PEAK1: variants seen among roughly 807,000 people sequenced by gnomAD.
PEAK1 encodes the protein inactive tyrosine-protein kinase PEAK1.
PEAK1 carries 54 observed loss-of-function variants against 124.7 expected under a neutral mutation model. That is an observed-to-expected ratio of 0.43 (90% CI 0.35 to 0.54). The LOEUF (loss-of-function observed/expected upper bound fraction) is 0.54, where lower values mean the gene tolerates loss of function less well. PEAK1 is among the 20% of genes least tolerant of loss of function. PEAK1 has a pLI of 0.01. For synonymous variants in PEAK1, 719 were observed against 760.0 expected (o/e 0.95, Z 0.89); for missense variants, 2,046 against 2,134.5 (o/e 0.96, Z 0.82).
rs560653880 is a variant in PEAK1, at chr15:77,392,604, G to T, written c.-665-27379C>A. 1.4e-4 allele frequency among the ~76,000 whole-genome samples: 21 copies of T among 151,934 alleles called. No homozygotes were observed. In the East Asian group the frequency reaches 3.7e-3, roughly 27 times the overall value. On this transcript the variant is annotated intron_variant, in intron 1 of 9. Coordinates refer to ENST00000682557, the MANE Select transcript of PEAK1 (RefSeq NM_001385026.1). ...ATGTCTATGCCATATGAGATATAAAGAGAGGTACAGGGGATCTAACTTTGA... is the reference window on the plus strand; with the variant it reads ...ATGTCTATGCCATATGAGATATAAATAGAGGTACAGGGGATCTAACTTTGA...
intron 2 of PEAK1, among the ~76,000 whole-genome samples, chr15:77,313,720 G>GTATA (rs1433077404): frequency 9.1e-6 from 1 of 109,546 alleles, no homozygotes; most frequent in African/African-American, 3.3e-5. Context: ...GTGTGTGTGT[G>GTATA]TGTGTGTATA....
At chr15:77,264,568 A>G (rs1272398971) in intron 5 of PEAK1, among the ~76,000 whole-genome samples, 2 of 152,226 alleles carry the variant, frequency 1.3e-5, no homozygotes, top group East Asian at 3.8e-4. Context: ...GACCTCTTCA[A>G]GGAGAACTAC....
chr15:77,298,632 T>A (rs1397364780), intron 2 of PEAK1, among the ~76,000 whole-genome samples: 3 of 152,246 alleles, frequency 2.0e-5, no homozygotes, highest in Middle Eastern at 3.4e-3. Flanking sequence ...TTAAAGATTA[T>A]CCTTTCTAAA....
At chr15:77,299,211 G>T (rs1022216006) in intron 2 of PEAK1, among the ~76,000 whole-genome samples, 3 of 152,086 alleles carry the variant, frequency 2.0e-5, no homozygotes, top group Non-Finnish European at 4.4e-5. Flanking sequence ...AAGGTCTGGA[G>T]ATATTTCATT....
intron 6 of PEAK1, among the ~76,000 whole-genome samples, chr15:77,229,468 C>A (rs1448664146): frequency 6.6e-6 from 1 of 152,094 alleles, no homozygotes; most frequent in South Asian, 2.1e-4. Context: ...ATTTATTATT[C>A]TCATGGCACT....
At chr15:77,209,361 C>T (rs1596624055) in intron 6 of PEAK1, among the ~76,000 whole-genome samples, 1 of 152,114 alleles carries the variant, frequency 6.6e-6, no homozygotes, top group East Asian at 1.9e-4. Context: ...CTTTATCCTT[C>T]AGGAAAAGAT....
chr15:77,181,585 T>C lies in PEAK1; in HGVS notation c.342A>G (p.Lys114=), dbSNP rs770134647. Residue 114 remains lysine (K), a synonymous_variant, in exon 7 of 10, where the codon AAA becomes AAG. Transcript: ENST00000682557. The part of the protein sequence containing the change: ...WNRNRAALSQ[K]PLNNNNEDDE... ...CATCTTCATTATTATTGTTAAGTGG[T>C]TTCTGACTCAAGGCAGCTCTGTTTC... 4 of 1,614,022 alleles carry C rather than the reference T, an allele frequency of 2.5e-6. No homozygotes were observed. The highest frequency in any genetic ancestry group is 3.4e-6 in the Non-Finnish European group (4 of 1,180,038).
At chr15:77,329,987 G>A (rs2065802799) in intron 2 of PEAK1, among the ~76,000 whole-genome samples, 1 of 151,620 alleles carries the variant, frequency 6.6e-6, no homozygotes, top group Non-Finnish European at 1.5e-5. Context: ...TGAATCACAA[G>A]ACAGAAGTGA....
At chr15:77,279,104 CGTGTGTGTGTGTGTGT>C (rs34561338) in intron 5 of PEAK1, among the ~76,000 whole-genome samples, 1 of 115,014 alleles carries the variant, frequency 8.7e-6, no homozygotes, top group Non-Finnish European at 2.0e-5. Context: ...CTCGTGTGTG[CGTGTGTGTGTGTGTGT>C]GTGTGTGTGT....
intron 6 of PEAK1, among the ~76,000 whole-genome samples, chr15:77,227,668 T>C (rs531585941): frequency 6.6e-5 from 10 of 152,258 alleles, no homozygotes; most frequent in Non-Finnish European, 1.0e-4. Flanking sequence ...AAAAGTCCTA[T>C]GATTTAATAA....
intron 2 of PEAK1, among the ~76,000 whole-genome samples, chr15:77,295,839 G>T (rs769095786): frequency 2.6e-5 from 4 of 152,190 alleles, no homozygotes; most frequent in Non-Finnish European, 4.4e-5. Flanking sequence ...AGGGGAGAAA[G>T]AATGTTTCTC....
At chr15:77,173,529 C>T (rs547775608) in intron 7 of PEAK1, among the ~76,000 whole-genome samples, 1 of 152,186 alleles carries the variant, frequency 6.6e-6, no homozygotes, top group South Asian at 2.1e-4. Context: ...CTATGGTCAC[C>T]ATGCTGTACA....
intron 1 of PEAK1, among the ~76,000 whole-genome samples, chr15:77,375,214 T>C (rs2068918270): frequency 1.3e-5 from 2 of 152,194 alleles, no homozygotes; most frequent in Admixed American, 6.5e-5. Context: ...CCTAAATTGT[T>C]AATTTTCACA....
intron 9 of PEAK1, among the ~76,000 whole-genome samples, chr15:77,125,889 T>C (rs1422858550): frequency 6.7e-6 from 1 of 149,074 alleles, no homozygotes; most frequent in Admixed American, 6.7e-5. Context: ...AGAAGTTCTT[T>C]ATTGTATTAT....
chr15:77,233,625 C>A (rs916902091), intron 6 of PEAK1, among the ~76,000 whole-genome samples: 3 of 152,122 alleles, frequency 2.0e-5, no homozygotes, highest in Admixed American at 6.5e-5. Flanking sequence ...CTGTGTATAT[C>A]ATCTAATTTA....
chr15:77,353,026 T>C lies in PEAK1; in HGVS notation c.-603+12137A>G, dbSNP rs2067299477. On this transcript the variant is annotated intron_variant, in intron 2 of 9. Coordinates refer to ENST00000682557, the MANE Select transcript of PEAK1 (RefSeq NM_001385026.1). ...ACTCTGGCAAGCATCTGTTGGCTAA[T>C]AGCAAAGAAAACCATGAACCCTCTG... The C allele has an allele frequency of 5.1e-6, 5 of 985,112 alleles. No homozygotes were observed. The African/African-American group carries it at 5.2e-5, about 10-fold the overall frequency. 61.0% of individuals were successfully genotyped at this position (985,112 alleles called of 1,614,324 possible). A position where few individuals can be genotyped will look rare whatever the true frequency, so the allele number is the denominator to read the frequency against.
intron 6 of PEAK1, among the ~76,000 whole-genome samples, chr15:77,195,770 C>T (rs527907566): frequency 2.0e-5 from 3 of 152,318 alleles, no homozygotes; most frequent in Admixed American, 6.5e-5. Flanking sequence ...GTGACATGTA[C>T]TAATTAATCA....
intron 8 of PEAK1, among the ~76,000 whole-genome samples, chr15:77,152,900 A>G (rs1324911862): frequency 6.6e-5 from 10 of 150,980 alleles, no homozygotes; most frequent in South Asian, 2.1e-4. Flanking sequence ...CCAGTATTTT[A>G]TTGAGGATTT....
At chr15:77,200,302 C>T (rs1271854221) in intron 6 of PEAK1, among the ~76,000 whole-genome samples, 1 of 152,064 alleles carries the variant, frequency 6.6e-6, no homozygotes, top group Non-Finnish European at 1.5e-5. Flanking sequence ...ATATAGAATA[C>T]AAAATAAGTG....
Sources: allele counts gnomAD v4.1 joint callset (sites outside exome capture counted in the v4.1 genomes callset), GRCh38; gene constraint gnomAD v4.1.1; transcripts MANE v1.5; gene names NCBI Gene and HGNC (gene_info 2026-07-23, HGNC 2026-07-21).